The following LIN28A variants were observed in gnomAD, a reference collection of about 807,000 sequenced individuals.
The protein encoded by LIN28A is lin-28 RNA binding posttranscriptional regulator A.
LIN28A carries 11 observed loss-of-function variants against 21.1 expected under a neutral mutation model. That is an observed-to-expected ratio of 0.52 (90% CI 0.33 to 0.86). LIN28A has a LOEUF of 0.86. Ranked by LOEUF, LIN28A falls within the 40% of genes least tolerant of loss-of-function variation. The probability of loss-of-function intolerance (pLI) is 0.03; values close to 1 mark genes in which losing one functional copy is unlikely to be tolerated. For missense variants in LIN28A, 219 were observed against 279.8 expected (o/e 0.78, Z 1.55); for synonymous variants, 111 against 108.7 (o/e 1.02, Z -0.13).
At chr1:26,421,165 T>C (rs2075026435) in intron 2 of LIN28A, among the ~76,000 whole-genome samples, 1 of 152,032 alleles carries the variant, frequency 6.6e-6, no homozygotes, top group African/African-American at 2.4e-5. Flanking sequence ...TTGTTTTTTC[T>C]TTTAACAATA....
At chr1:26,420,020 C>T (rs1035878084) in intron 2 of LIN28A, among the ~76,000 whole-genome samples, 2 of 152,156 alleles carry the variant, frequency 1.3e-5, no homozygotes, top group Non-Finnish European at 2.9e-5. Flanking sequence ...TGCAGTGGCG[C>T]GATCTCAGCT....
intron 2 of LIN28A, among the ~76,000 whole-genome samples, chr1:26,417,126 CA>C (rs1460666017): frequency 6.6e-6 from 1 of 152,208 alleles, no homozygotes; most frequent in Non-Finnish European, 1.5e-5. Context: ...CTTGAGTTCA[CA>C]GCTCAGACCA....
At position 26,427,454 on chromosome 1, in the gene LIN28A, G is replaced by GT. The variant is rs1270235678; in HGVS notation, c.*1000dup. ...TTGAAAATGTTTTATGGGAGACTAG[G>GT]TTTTAACTGGGTGGCCCCATGACTT... On this transcript the variant is annotated 3_prime_UTR_variant, in exon 4 of 4. Coordinates refer to ENST00000326279, the MANE Select transcript of LIN28A (RefSeq NM_024674.6). 3 of 152,626 alleles carry GT rather than the reference G, an allele frequency of 2.0e-5. No homozygotes were observed. Among genetic ancestry groups the GT allele is most frequent in the African/African-American group, 7.2e-5 (3 of 41,446 alleles). 9.5% of individuals were successfully genotyped at this position (152,626 alleles called of 1,614,324 possible). A position where few individuals can be genotyped will look rare whatever the true frequency, so the allele number is the denominator to read the frequency against.
At chr1:26,417,304 C>T (rs2074999620) in intron 2 of LIN28A, among the ~76,000 whole-genome samples, 1 of 152,172 alleles carries the variant, frequency 6.6e-6, no homozygotes, top group South Asian at 2.1e-4. Flanking sequence ...GCCTTCTGTT[C>T]CAGACACCCC....
At chr1:26,423,953 G>A (rs898993292) in intron 2 of LIN28A, among the ~76,000 whole-genome samples, 25 of 151,510 alleles carry the variant, frequency 1.7e-4, no homozygotes, top group Admixed American at 1.3e-3. Context: ...TAGTAGAGAC[G>A]GGGTTTCACC....
At position 26,427,973 on chromosome 1, in the gene LIN28A, A is replaced by G. The variant is rs2075069372; in HGVS notation, c.*1515A>G. On this transcript the variant is annotated 3_prime_UTR_variant, in exon 4 of 4. Coordinates refer to ENST00000326279, the MANE Select transcript of LIN28A (RefSeq NM_024674.6). ...CGCAAACCTACCTTACTGTGTTGAA[A>G]CGGGACAAATGCAATAGAACGCATT... 1 of 152,584 alleles carries G rather than the reference A, an allele frequency of 6.6e-6. No individual in the cohort carries two copies. The highest frequency in any genetic ancestry group is 1.5e-5 in the Non-Finnish European group (1 of 68,046). The allele number at this position is 152,584 out of a possible 1,614,324, so 9.5% of individuals were successfully genotyped here.
At chr1:26,424,989 C>T (rs1270913382) in intron 2 of LIN28A, among the ~76,000 whole-genome samples, 1 of 152,132 alleles carries the variant, frequency 6.6e-6, no homozygotes. Context: ...GTGATCCTCC[C>T]GCCTCAGCCT....
At chr1:26,413,741 T>C (rs1364743929) in intron 2 of LIN28A, among the ~76,000 whole-genome samples, 3 of 151,828 alleles carry the variant, frequency 2.0e-5, no homozygotes, top group Non-Finnish European at 2.9e-5. Flanking sequence ...TCAGGGGTCC[T>C]CCAACCCCAC....
chr1:26,426,388 A>T lies in LIN28A; in HGVS notation c.560A>T (p.Lys187Met). The T allele has an allele frequency of 6.2e-7, 1 of 1,614,216 alleles. No individual in the cohort carries two copies. Among genetic ancestry groups the T allele is most frequent in the Non-Finnish European group, 8.5e-7 (1 of 1,180,036 alleles). ...CAGCAGGGCCCTAGTGCACAGGGAA[A>T]GCCAACCTACTTTCGAGAGGAAGAA... is the stretch of plus-strand genomic sequence containing the variant. ...KAQQGPSAQGKPTYFREEEEE... is the reference protein window; with the variant it reads ...KAQQGPSAQGMPTYFREEEEE... Residue 187 changes from lysine (K) to methionine (M), a missense_variant, in exon 4 of 4, where the codon AAG becomes ATG. Coordinates refer to ENST00000326279, the MANE Select transcript of LIN28A (RefSeq NM_024674.6).
At position 26,426,376 on chromosome 1, in the gene LIN28A, G is replaced by C; in HGVS notation, c.548G>C (p.Ser183Thr). Residue 183 changes from serine (S) to threonine (T), a missense_variant, in exon 4 of 4, where the codon AGT becomes ACT. Ser to Thr is a moderately conservative substitution (Grantham distance 58, BLOSUM62 1). This residue lies in a region of LIN28A where 45 missense variants were observed against 37.7 expected (regional missense o/e 1.19). Coordinates refer to ENST00000326279, the MANE Select transcript of LIN28A (RefSeq NM_024674.6). ...SCPLKAQQGP[S>T]AQGKPTYFRE... ...CCGCTGAAGGCCCAGCAGGGCCCTAGTGCACAGGGAAAGCCAACCTACTTT... is the reference window on the plus strand; with the variant it reads ...CCGCTGAAGGCCCAGCAGGGCCCTACTGCACAGGGAAAGCCAACCTACTTT... The C allele has an allele frequency of 6.2e-7, 1 of 1,614,210 alleles. No homozygotes were observed. The highest frequency in any genetic ancestry group is 1.3e-5 in the African/African-American group (1 of 75,060).
chr1:26,417,720 A>C (rs2075001917), intron 2 of LIN28A, among the ~76,000 whole-genome samples: 1 of 152,234 alleles, frequency 6.6e-6, no homozygotes, highest in South Asian at 2.1e-4. Context: ...TACAACACGT[A>C]AAGTGGTTAG....
At chr1:26,412,095 G>A (rs780785498) in intron 2 of LIN28A, among the ~76,000 whole-genome samples, 1 of 152,224 alleles carries the variant, frequency 6.6e-6, no homozygotes. Context: ...TCACCTGGCT[G>A]GTCACTAAAA....
chr1:26,419,105 CT>C (rs1172482313), intron 2 of LIN28A, among the ~76,000 whole-genome samples: 1 of 149,752 alleles, frequency 6.7e-6, no homozygotes. Context: ...CGGGGCCCTG[CT>C]TTGTGTGTGG....
At chr1:26,412,748 G>A (rs957400284) in intron 2 of LIN28A, among the ~76,000 whole-genome samples, 1 of 152,068 alleles carries the variant, frequency 6.6e-6, no homozygotes, top group African/African-American at 2.4e-5. Flanking sequence ...TTTGGGGGAG[G>A]GGTAGAGAAG....
chr1:26,426,138 G>C (rs1296683051), intron 3 of LIN28A, 104 bp from the exon 4 acceptor site: 1 of 860,768 alleles, frequency 1.2e-6, no homozygotes, highest in African/African-American at 1.7e-5. Flanking sequence ...GGGAAGGGAA[G>C]TAAGTGACAA....
intron 2 of LIN28A, among the ~76,000 whole-genome samples, chr1:26,420,829 C>T (rs1002200694): frequency 5.3e-5 from 8 of 152,132 alleles, no homozygotes; most frequent in African/African-American, 9.7e-5. Context: ...ATATTTGACA[C>T]TGTTGTTTTA....
Position 26,411,677 on chromosome 1 carries a change from C to G in LIN28A, c.228+95C>G, listed in dbSNP as rs2074960649. Reference sequence around the variant, plus strand: ...GGCTCGCAGTTGAATTGAGGGCCATCGGGAGCCCTCATTATGCATCCCTGT... The same window carrying G: ...GGCTCGCAGTTGAATTGAGGGCCATGGGGAGCCCTCATTATGCATCCCTGT... On this transcript the variant is annotated intron_variant, in intron 2 of 3. Transcript: ENST00000326279. This position sits in a 1 kb window ranked among gnomAD's most constrained non-coding sequence, Gnocchi z 5.4. 7.8e-7 allele frequency: 1 copy of G among 1,274,424 alleles called. No individual in the cohort carries two copies. The highest frequency in any genetic ancestry group is 1.1e-6 in the Non-Finnish European group (1 of 900,156). 78.9% of individuals were successfully genotyped at this position (1,274,424 alleles called of 1,614,324 possible). A position where few individuals can be genotyped will look rare whatever the true frequency, so the allele number is the denominator to read the frequency against.
At chr1:26,416,652 CTG>C (rs2074995078) in intron 2 of LIN28A, among the ~76,000 whole-genome samples, 1 of 152,014 alleles carries the variant, frequency 6.6e-6, no homozygotes, top group African/African-American at 2.4e-5. Context: ...GAATCTCTCT[CTG>C]TTGCCCAGGC....
At chr1:26,413,045 A>T (rs1023888713) in intron 2 of LIN28A, among the ~76,000 whole-genome samples, 4 of 152,080 alleles carry the variant, frequency 2.6e-5, no homozygotes, top group Non-Finnish European at 5.9e-5. Flanking sequence ...ATGATAACCC[A>T]CAGGAAGTAA....
Sources: allele counts gnomAD v4.1 joint callset (sites outside exome capture counted in the v4.1 genomes callset), GRCh38; gene constraint gnomAD v4.1.1; regional missense constraint gnomAD v4.1.1; non-coding constraint Gnocchi (gnomAD v3.1); transcripts MANE v1.5; gene names NCBI Gene and HGNC (gene_info 2026-07-23, HGNC 2026-07-21).